Variants in PCDH9 observed in about 807,000 individuals in gnomAD.
PCDH9 encodes the protein protocadherin-9.
Under a neutral mutation model 70.6 loss-of-function variants are expected in PCDH9, and 24 were observed. That is an observed-to-expected ratio of 0.34 (90% confidence interval 0.25 to 0.48). PCDH9 has a LOEUF of 0.48. Ranked by LOEUF, PCDH9 falls within the 20% of genes least tolerant of loss-of-function variation. PCDH9 has a pLI of 0.99. For missense variants in PCDH9, 1,281 were observed against 1,503.6 expected (o/e 0.85, Z 2.45); for synonymous variants, 562 against 558.5 (o/e 1.01, Z -0.09).
In PCDH9 at chr13:67,154,708, T is replaced by A. The variant is rs866171675; in HGVS notation, c.3036+70697A>T. Among the ~76,000 whole-genome samples, 331 of 146,282 alleles carry A rather than the reference T, an allele frequency of 2.3e-3. 5 individuals are homozygous for A. Among genetic ancestry groups the A allele is most frequent in the African/African-American group, 6.5e-3 (260 of 40,194 alleles). On this transcript the variant is annotated intron_variant, in intron 2 of 4. Coordinates refer to ENST00000377865, the MANE Select transcript of PCDH9 (RefSeq NM_203487.3). Reference sequence around the variant, plus strand: ...TTAAGTAATTTTGATCTGTAATCTTTTTTTTTTTTTTTTTGAGACAGAGTC... The same window carrying A: ...TTAAGTAATTTTGATCTGTAATCTTATTTTTTTTTTTTTTGAGACAGAGTC...
intron 4 of PCDH9, among the ~76,000 whole-genome samples, chr13:66,600,786 G>C (rs2077156851): frequency 6.9e-6 from 1 of 143,946 alleles, no homozygotes; most frequent in Non-Finnish European, 1.6e-5. Flanking sequence ...GTGTGTGTGT[G>C]TGTGTGTGTG....
At chr13:66,853,201 C>CAATAATAATAATAAT (rs71207610) in intron 3 of PCDH9, among the ~76,000 whole-genome samples, 15 of 145,832 alleles carry the variant, frequency 1.0e-4, no homozygotes, top group Non-Finnish European at 2.1e-4. Context: ...TGAATAGTAG[C>CAATAATAATAATAAT]AATAATAATA....
intron 4 of PCDH9, among the ~76,000 whole-genome samples, chr13:66,567,053 T>C (rs1417561580): frequency 6.6e-6 from 1 of 152,044 alleles, no homozygotes; most frequent in Non-Finnish European, 1.5e-5. Context: ...TCCATTCTTA[T>C]GTTTAAAAAA....
At chr13:67,002,573 A>AT (rs1212205656) in intron 2 of PCDH9, among the ~76,000 whole-genome samples, 2 of 149,758 alleles carry the variant, frequency 1.3e-5, no homozygotes, top group Admixed American at 1.3e-4. Context: ...TTTTAAGAAG[A>AT]TAAAAAAAAA....
intron 4 of PCDH9, among the ~76,000 whole-genome samples, chr13:66,392,592 A>C (rs747008779): frequency 6.6e-5 from 10 of 152,188 alleles, no homozygotes; most frequent in Non-Finnish European, 1.2e-4. Flanking sequence ...CAGGAACTGT[A>C]AACTCTAAAG....
intron 2 of PCDH9, among the ~76,000 whole-genome samples, chr13:66,940,846 G>A (rs1464781601): frequency 6.6e-6 from 1 of 151,838 alleles, no homozygotes. Context: ...TTTTTCTTGT[G>A]TTATAATTTT....
chr13:66,671,599 TA>T (rs1182256805), intron 3 of PCDH9, among the ~76,000 whole-genome samples: 2 of 152,270 alleles, frequency 1.3e-5, no homozygotes, highest in East Asian at 1.9e-4. Flanking sequence ...GGAACTGGAA[TA>T]AAGGTGACTC....
chr13:66,698,798 G>A (rs1253191768), intron 3 of PCDH9, among the ~76,000 whole-genome samples: 1 of 151,824 alleles, frequency 6.6e-6, no homozygotes, highest in African/African-American at 2.4e-5. Flanking sequence ...GCCTGGTAAG[G>A]CTCGTCTCAA....
At chr13:66,948,275 C>T (rs1382782942) in intron 2 of PCDH9, among the ~76,000 whole-genome samples, 1 of 151,922 alleles carries the variant, frequency 6.6e-6, no homozygotes, top group African/African-American at 2.4e-5. Context: ...CAGTTCATGC[C>T]AGTATAGTTT....
chr13:67,197,030 C>G (rs1227114639), intron 2 of PCDH9, among the ~76,000 whole-genome samples: 4 of 151,884 alleles, frequency 2.6e-5, no homozygotes, highest in Admixed American at 2.0e-4. Flanking sequence ...TTTGTCCTGT[C>G]CCTCCATAGG....
chr13:67,159,856 G>A (rs1473935706), intron 2 of PCDH9, among the ~76,000 whole-genome samples: 1 of 152,162 alleles, frequency 6.6e-6, no homozygotes. Context: ...ACTAAACTAT[G>A]TAGCCAAATA....
At chr13:67,070,895 A>G (rs933948193) in intron 2 of PCDH9, among the ~76,000 whole-genome samples, 1 of 152,164 alleles carries the variant, frequency 6.6e-6, no homozygotes, top group East Asian at 1.9e-4. Flanking sequence ...ACCTTCTAGA[A>G]TTCTAACTCA....
chr13:66,347,126 TA>T (rs1412701522), intron 4 of PCDH9, among the ~76,000 whole-genome samples: 1 of 152,196 alleles, frequency 6.6e-6, no homozygotes, highest in Non-Finnish European at 1.5e-5. Context: ...TACACTGATA[TA>T]AAATGTACCT....
At chr13:66,516,597 G>A (rs188124729) in intron 4 of PCDH9, among the ~76,000 whole-genome samples, 9 of 152,192 alleles carry the variant, frequency 5.9e-5, no homozygotes, top group African/African-American at 2.2e-4. Flanking sequence ...GAGCAATTCA[G>A]TATTTTGATT....
chr13:66,712,015 C>T (rs892295024), intron 3 of PCDH9, among the ~76,000 whole-genome samples: 12 of 152,108 alleles, frequency 7.9e-5, no homozygotes, highest in African/African-American at 2.9e-4. Flanking sequence ...CATTATGGTC[C>T]TCCTTCATGA....
At chr13:66,803,835 A>G (rs1441998) in intron 3 of PCDH9, among the ~76,000 whole-genome samples, 142,105 of 152,228 alleles carry the variant, frequency 0.93, 67,120 homozygotes, top group East Asian at 1. Flanking sequence ...AATGTGTAGC[A>G]TAACTATGCT....
At chr13:66,421,468 C>T (rs1957566311) in intron 4 of PCDH9, among the ~76,000 whole-genome samples, 1 of 152,196 alleles carries the variant, frequency 6.6e-6, no homozygotes, top group South Asian at 2.1e-4. Flanking sequence ...ATCAGACTAA[C>T]AGAAGCCCTA....
rs117092963 is a variant in PCDH9 at position 66,988,738 on chromosome 13, T to G, written c.3037-85133A>C. On this transcript the variant is annotated intron_variant, in intron 2 of 4. Transcript: ENST00000377865. ...AGGGACAGTCATCTATTCTTATTTA[T>G]TTTTAATGATGAAGAAATGAACGTC... 9.5e-4 allele frequency among the ~76,000 whole-genome samples: 145 copies of G among 152,114 alleles called. 1 individual carries two copies. In the East Asian group the frequency reaches 0.024, roughly 25 times the overall value.
At chr13:67,187,923 A>T (rs2088802024) in intron 2 of PCDH9, among the ~76,000 whole-genome samples, 1 of 152,022 alleles carries the variant, frequency 6.6e-6, no homozygotes, top group Non-Finnish European at 1.5e-5. Context: ...TTCCAATTTT[A>T]ATCTTTTAGT....
Sources: gnomAD v4.1 joint callset for allele counts (sites outside exome capture counted in the v4.1 genomes callset) on GRCh38, gnomAD v4.1.1 for gene constraint, MANE v1.5 for transcripts, NCBI Gene and HGNC (gene_info 2026-07-23, HGNC 2026-07-21) for gene names.